The following VWF variants were observed in gnomAD, a reference collection of about 807,000 sequenced individuals.
VWF encodes Factor VIII related antigen.
VWF carries 176 observed loss-of-function variants against 308.6 expected under a neutral mutation model. That is an observed-to-expected ratio of 0.57 (90% CI 0.50 to 0.65). The LOEUF (loss-of-function observed/expected upper bound fraction) is 0.65, where lower values mean the gene tolerates loss of function less well. Among genes scored for constraint, VWF ranks in the 30% least tolerant of loss-of-function variants. The pLI is 0.00. For missense variants in VWF, 3,146 were observed against 3,648.2 expected, an observed-to-expected ratio of 0.86 and a Z score of 3.55; for synonymous variants, 1,385 against 1,443.4, an observed-to-expected ratio of 0.96 and a Z score of 0.92.
At chr12:6,091,947 A>C (rs944732085) in intron 6 of VWF, among the ~76,000 whole-genome samples, 1 of 152,160 alleles carries the variant, frequency 6.6e-6, no homozygotes, top group African/African-American at 2.4e-5. Context: ...ACAAAATCAC[A>C]GAGCACCTGC....
At chr12:6,008,575 G>T (rs576060159) in intron 34 of VWF, among the ~76,000 whole-genome samples, 1 of 152,066 alleles carries the variant, frequency 6.6e-6, no homozygotes, top group South Asian at 2.1e-4. Flanking sequence ...ACACCGAATA[G>T]TGCAAAACTA....
chr12:6,084,876 G>C (rs1413612515), intron 6 of VWF, among the ~76,000 whole-genome samples: 2 of 152,138 alleles, frequency 1.3e-5, no homozygotes, highest in Non-Finnish European at 2.9e-5. Flanking sequence ...AATGATGGGT[G>C]GGGGAGGGTA....
chr12:6,062,777 T>C (rs1232635332), intron 13 of VWF, among the ~76,000 whole-genome samples, 177 bp downstream of exon 13: 1 of 152,068 alleles, frequency 6.6e-6, no homozygotes, highest in Non-Finnish European at 1.5e-5. Context: ...AGAAGGGGCA[T>C]CCAGAAAACA....
intron 31 of VWF, among the ~76,000 whole-genome samples, chr12:6,014,241 CAATGCT>C (rs1944031593): frequency 6.6e-6 from 1 of 152,032 alleles, no homozygotes. Flanking sequence ...ATGGATCAGG[CAATGCT>C]CCATTGGCCA....
intron 21 of VWF, 150 bp from the exon 22 acceptor site, chr12:6,029,638 C>A: frequency 1.0e-6 from 1 of 999,874 alleles, no homozygotes; most frequent in Non-Finnish European, 1.5e-6. Context: ...CACTGCACCC[C>A]TGCAGGGCCA....
intron 10 of VWF, among the ~76,000 whole-genome samples, chr12:6,068,134 CAAAA>C (rs200782717): frequency 1.7e-5 from 1 of 57,802 alleles, no homozygotes; most frequent in Non-Finnish European, 3.8e-5. Context: ...AACTCTGTCT[CAAAA>C]AAAAAAAAAA....
At chr12:5,968,755 A>G (rs1943434896) in intron 45 of VWF, among the ~76,000 whole-genome samples, 1 of 152,242 alleles carries the variant, frequency 6.6e-6, no homozygotes, top group South Asian at 2.1e-4. Flanking sequence ...AAATAGTGCC[A>G]CTGCACTCTA....
In VWF at chr12:6,071,335, C is replaced by G. The variant is rs78516266; in HGVS notation, c.1118G>C (p.Arg373Pro). ...ATTGCTGCAGATCCACTGGCTGTTT[C>G]GGCAAATGCTGTTGGAGGGAAAAAG... Reference protein sequence around the residue: ...LSRDCNTCICRNSQWICSNEE... With the variant: ...LSRDCNTCICPNSQWICSNEE... Residue 373 changes from arginine to proline, a missense_variant, in exon 10 of 52, where the codon CGA (arginine) becomes CCA (proline). Transcript: ENST00000261405. 1.2e-6 allele frequency: 2 copies of G among 1,614,130 alleles called. No homozygotes were observed.
intron 44 of VWF, 126 bp downstream of exon 44, chr12:5,971,473 C>A: frequency 2.5e-6 from 2 of 787,384 alleles, no homozygotes; most frequent in Non-Finnish European, 2.2e-6. Flanking sequence ...TGGATAACAC[C>A]AACAGCTGGG....
At chr12:6,071,463 G>A in intron 9 of VWF, 120 bp from the exon 10 acceptor site, 1 of 1,124,544 alleles carries the variant, frequency 8.9e-7, no homozygotes, top group Non-Finnish European at 1.3e-6. Context: ...GAAAAGAAAA[G>A]AGCTGGTGCT....
Position 5,969,447 on chromosome 12 carries a change from C to T in VWF, c.7549-56G>A. On this transcript the variant is annotated intron_variant, in intron 44 of 51. Transcript: ENST00000261405. ...TGGGGCAGGGCTGGAGCCCAGGGTC[C>T]CATTGGGAATGTGCTCTTCTCTCAG... The T allele has an allele frequency of 1.3e-5, 21 of 1,605,952 alleles. No individual in the cohort carries two copies. In the South Asian group the frequency reaches 1.4e-4, roughly 11 times the overall value.
intron 5 of VWF, among the ~76,000 whole-genome samples, chr12:6,106,202 A>T (rs1448389718): frequency 6.6e-6 from 1 of 152,212 alleles, no homozygotes; most frequent in Non-Finnish European, 1.5e-5. Context: ...ATGCACAATG[A>T]AATTTTTTTT....
At chr12:6,098,478 TAAG>T (rs1565388869) in intron 5 of VWF, among the ~76,000 whole-genome samples, 1 of 152,104 alleles carries the variant, frequency 6.6e-6, no homozygotes, top group African/African-American at 2.4e-5. Flanking sequence ...CAAAAAAGTA[TAAG>T]AAATTTCAAA....
intron 10 of VWF, among the ~76,000 whole-genome samples, chr12:6,069,633 C>G (rs947054066): frequency 4.6e-5 from 7 of 152,160 alleles, no homozygotes; most frequent in Non-Finnish European, 1.0e-4. Context: ...AGGCGATGAT[C>G]AACAAAACTC....
chr12:6,016,924 A>G (rs1944068303), intron 28 of VWF, 54 bp from the exon 29 acceptor site: 2 of 1,562,746 alleles, frequency 1.3e-6, no homozygotes, highest in Admixed American at 1.7e-5. Flanking sequence ...GACAATGGCC[A>G]CCAGGCCTAC....
chr12:6,046,679 G>C lies in VWF; in HGVS notation c.2281+44C>G. The stretch of plus-strand genomic sequence containing the variant: ...CCGCCATTCCACACGTGAGGAATCT[G>C]GGCAGGATGGAGTCAATGGGCCTTC... On this transcript the variant is annotated intron_variant, in intron 17 of 51. Transcript: ENST00000261405. The surrounding 1 kb of genome is among the most constrained non-coding windows in gnomAD (Gnocchi z 5.0). The C allele has an allele frequency of 6.4e-7, 1 of 1,568,842 alleles. No individual in the cohort carries two copies. Among genetic ancestry groups the C allele is most frequent in the Non-Finnish European group, 8.8e-7 (1 of 1,139,116 alleles).
At chr12:6,112,545 G>A (rs1310245535) in intron 3 of VWF, among the ~76,000 whole-genome samples, 1 of 152,160 alleles carries the variant, frequency 6.6e-6, no homozygotes, top group African/African-American at 2.4e-5. Context: ...GAAGGAATGG[G>A]GCATAGGACT....
chr12:5,949,115 G>T lies in VWF; in HGVS notation c.8342C>A (p.Pro2781His). The T allele has an allele frequency of 6.2e-7, 1 of 1,614,256 alleles. No individual in the cohort carries two copies. Among genetic ancestry groups the T allele is most frequent in the African/African-American group, 1.3e-5 (1 of 75,070 alleles). The change falls in exon 52 of 52, where the codon CCC becomes CAC. Residue 2781 changes from proline to histidine, a missense_variant. Around this residue, in one of 3 missense-constraint regions of VWF, gnomAD observed 989 missense variants for 1,117.4 expected, o/e 0.89. Transcript: ENST00000261405. Reference protein sequence around the residue: ...CSCCSPTRTEPMQVALHCTNG... With the variant: ...CSCCSPTRTEHMQVALHCTNG... ...GGTGCAGTGCAGGGCCACCTGCATGGGCTCCGTCCGTGTCGGAGAGCAGCA... is the reference window on the plus strand; with the variant it reads ...GGTGCAGTGCAGGGCCACCTGCATGTGCTCCGTCCGTGTCGGAGAGCAGCA...
chr12:5,959,514 G>A (rs554660735), intron 47 of VWF, among the ~76,000 whole-genome samples: 1 of 152,126 alleles, frequency 6.6e-6, no homozygotes, highest in East Asian at 1.9e-4. Flanking sequence ...GAACTGCAGA[G>A]CATACATTCT....
Sources: gnomAD v4.1 joint callset for allele counts (sites outside exome capture counted in the v4.1 genomes callset) on GRCh38, gnomAD v4.1.1 for gene constraint, gnomAD v4.1.1 regional missense constraint, Gnocchi (gnomAD v3.1) non-coding constraint, MANE v1.5 for transcripts, NCBI Gene and HGNC (gene_info 2026-07-23, HGNC 2026-07-21) for gene names.